TCERG1L: variants seen among roughly 807,000 people sequenced by gnomAD.
TCERG1L encodes transcription elongation regulator 1 like.
Under a neutral mutation model 56.3 loss-of-function variants are expected in TCERG1L, and 37 were observed. The ratio of observed to expected loss-of-function variants is 0.66; its 90% CI spans 0.51 to 0.87. The LOEUF (loss-of-function observed/expected upper bound fraction) is 0.87, where lower values mean the gene tolerates loss of function less well. Among genes scored for constraint, TCERG1L ranks in the 40% least tolerant of loss-of-function variants. The pLI, the probability that TCERG1L is intolerant of heterozygous loss-of-function variation, is 0.00. For synonymous variants in TCERG1L, 324 were observed against 326.3 expected (o/e 0.99, Z 0.08); for missense variants, 799 against 774.2 (o/e 1.03, Z -0.38).
At chr10:131,185,861 T>C (rs1583669) in intron 4 of TCERG1L, among the ~76,000 whole-genome samples, 108,941 of 151,706 alleles carry the variant, frequency 0.72, 41,542 homozygotes, top group Non-Finnish European at 0.85. Flanking sequence ...CCTAGATCTA[T>C]ACCCAAAAGA....
In TCERG1L at chr10:131,103,852, T is replaced by C. The variant is rs1196660543; in HGVS notation, c.1485+413A>G. On this transcript the variant is annotated intron_variant, in intron 10 of 11. Coordinates refer to ENST00000368642, the MANE Select transcript of TCERG1L (RefSeq NM_174937.4). The surrounding 1 kb of genome is among the most constrained non-coding windows in gnomAD (Gnocchi z 4.3). The stretch of plus-strand genomic sequence containing the variant: ...TTAGGGGTTTCTTAACATTAGTGAC[T>C]TCATTTTGATTCTGACAACTTTCAT... Among the ~76,000 whole-genome samples, 1 of 152,310 alleles carries C rather than the reference T, an allele frequency of 6.6e-6. No homozygotes were observed. Among genetic ancestry groups the C allele is most frequent in the African/African-American group, 2.4e-5 (1 of 41,560 alleles).
At chr10:131,107,884 T>C (rs575166175) in intron 9 of TCERG1L, among the ~76,000 whole-genome samples, 2 of 151,904 alleles carry the variant, frequency 1.3e-5, no homozygotes, top group Non-Finnish European at 2.9e-5. Context: ...CACATGCACA[T>C]GTACATAGTT....
At chr10:131,231,979 A>G (rs1035863487) in intron 4 of TCERG1L, among the ~76,000 whole-genome samples, 2 of 152,168 alleles carry the variant, frequency 1.3e-5, no homozygotes, top group Non-Finnish European at 2.9e-5. Flanking sequence ...TGTGTGAACA[A>G]TGGCAGAAAT....
rs1251169865 is a variant in TCERG1L at position 131,111,570 on chromosome 10, C to T, written c.1395+5229G>A. Among the ~76,000 whole-genome samples, 6 of 142,714 alleles carry T rather than the reference C, an allele frequency of 4.2e-5. 2 individuals are homozygous for T. The highest frequency in any genetic ancestry group is 2.6e-4 in the South Asian group (1 of 3,870). 93.6% of individuals were successfully genotyped at this position (142,714 alleles called of 152,430 possible). A position where few individuals can be genotyped will look rare whatever the true frequency, so the allele number is the denominator to read the frequency against. ...TTTTTCCTTCTGGCTTTTATGAGTG[C>T]AAACGTCCTAAGGAAGGAAGCAATC... On this transcript the variant is annotated intron_variant, in intron 9 of 11. Coordinates refer to ENST00000368642, the MANE Select transcript of TCERG1L (RefSeq NM_174937.4).
At chr10:131,297,784 A>G (rs1055909793) in intron 3 of TCERG1L, among the ~76,000 whole-genome samples, 5 of 152,076 alleles carry the variant, frequency 3.3e-5, no homozygotes, top group African/African-American at 9.7e-5. Context: ...TTCTATTACT[A>G]CTTCTATTTA....
At chr10:131,094,469 T>C (rs57431043) in intron 11 of TCERG1L, among the ~76,000 whole-genome samples, 5,501 of 152,346 alleles carry the variant, frequency 0.036, 133 homozygotes, top group African/African-American at 0.075. Context: ...GACATGGCTG[T>C]TAGAAGACAA....
At chr10:131,107,536 A>G (rs1012121576) in intron 9 of TCERG1L, among the ~76,000 whole-genome samples, 2 of 152,098 alleles carry the variant, frequency 1.3e-5, no homozygotes, top group African/African-American at 4.8e-5. Context: ...TGAAGGCCGC[A>G]CAGCCATGTG....
At chr10:131,141,385 C>T (rs564884201) in intron 7 of TCERG1L, among the ~76,000 whole-genome samples, 3 of 151,938 alleles carry the variant, frequency 2.0e-5, no homozygotes, top group African/African-American at 4.8e-5. Flanking sequence ...TGTGAGTGAC[C>T]GTGCCTCAGG....
intron 6 of TCERG1L, 114 bp downstream of exon 6, chr10:131,163,008 T>A (rs1845993347): frequency 2.5e-6 from 2 of 802,604 alleles, no homozygotes; most frequent in Admixed American, 6.9e-5. Flanking sequence ...AAGTTCATTG[T>A]TTTTAAGACA....
chr10:131,268,073 C>T (rs1393508100), intron 3 of TCERG1L, among the ~76,000 whole-genome samples: 4 of 152,122 alleles, frequency 2.6e-5, no homozygotes, highest in Non-Finnish European at 1.5e-5. Flanking sequence ...GAGGGATTCC[C>T]AGTCCCCTAA....
rs2133381416 is a variant in TCERG1L, at chr10:131,103,223, C to CA, written c.1485+1041dup. ...TGCCATCGTAAATGACAAGAATATT[C>CA]AGGGAGGTAAAAAAAAGGCAATAAT... On this transcript the variant is annotated intron_variant, in intron 10 of 11. Coordinates refer to ENST00000368642, the MANE Select transcript of TCERG1L (RefSeq NM_174937.4). The surrounding 1 kb of genome is among the most constrained non-coding windows in gnomAD (Gnocchi z 4.3). Among the ~76,000 whole-genome samples, 1 of 151,932 alleles carries CA rather than the reference C, an allele frequency of 6.6e-6. No individual in the cohort carries two copies. The highest frequency in any genetic ancestry group is 2.1e-4 in the South Asian group (1 of 4,802).
chr10:131,110,307 C>T (rs1479730373), intron 9 of TCERG1L, among the ~76,000 whole-genome samples: 1 of 152,214 alleles, frequency 6.6e-6, no homozygotes, highest in Non-Finnish European at 1.5e-5. Flanking sequence ...TCCTCCCTGC[C>T]GTGTCACCTC....
intron 4 of TCERG1L, among the ~76,000 whole-genome samples, chr10:131,252,655 G>A (rs1846125011): frequency 1.3e-5 from 2 of 152,136 alleles, no homozygotes; most frequent in Admixed American, 6.5e-5. Flanking sequence ...CTCCTCTACC[G>A]AGTCCTGAAA....
At chr10:131,195,375 G>A (rs778221019) in intron 4 of TCERG1L, among the ~76,000 whole-genome samples, 1 of 152,200 alleles carries the variant, frequency 6.6e-6, no homozygotes, top group Non-Finnish European at 1.5e-5. Flanking sequence ...CCATCTGAGA[G>A]GCTCGGGGCC....
intron 6 of TCERG1L, 31 bp from the exon 7 acceptor site, chr10:131,146,691 C>A (rs753197620): frequency 1.3e-6 from 2 of 1,585,840 alleles, no homozygotes; most frequent in South Asian, 1.1e-5. Flanking sequence ...ATCTCAGTCG[C>A]TCTCGGAGAC....
intron 6 of TCERG1L, among the ~76,000 whole-genome samples, chr10:131,148,960 T>C (rs1404403401): frequency 6.6e-6 from 1 of 152,184 alleles, no homozygotes; most frequent in Admixed American, 6.5e-5. Flanking sequence ...CCAAGTGTTG[T>C]GCCTGGAGGC....
In TCERG1L at chr10:131,130,088, A is replaced by T. The variant is rs772594951; in HGVS notation, c.1259+4291T>A. On this transcript the variant is annotated intron_variant, in intron 8 of 11. Transcript: ENST00000368642. The stretch of plus-strand genomic sequence containing the variant: ...ACATATCCGAGACTGGGTGATTTAT[A>T]AAAAAAAAAAAAAAAGGTTGAACGG... Among the ~76,000 whole-genome samples, 25 of 96,726 alleles carry T rather than the reference A, an allele frequency of 2.6e-4. No homozygotes were observed. The East Asian group carries it at 5.7e-3, about 22-fold the overall frequency. 63.5% of individuals were successfully genotyped at this position (96,726 alleles called of 152,430 possible). A position where few individuals can be genotyped will look rare whatever the true frequency, so the allele number is the denominator to read the frequency against.
chr10:131,169,043 A>G (rs1237099258), intron 4 of TCERG1L, among the ~76,000 whole-genome samples: 7 of 152,232 alleles, frequency 4.6e-5, no homozygotes, highest in Non-Finnish European at 5.9e-5. Context: ...ACTGTCACTC[A>G]GGAAGAGAAG....
At chr10:131,131,744 C>A (rs1228302383) in intron 8 of TCERG1L, among the ~76,000 whole-genome samples, 2 of 152,214 alleles carry the variant, frequency 1.3e-5, no homozygotes, top group Admixed American at 1.3e-4. Flanking sequence ...CAATCATCAT[C>A]ACAGCTTATT....
Sources: gnomAD v4.1 joint callset for allele counts (sites outside exome capture counted in the v4.1 genomes callset) on GRCh38, gnomAD v4.1.1 for gene constraint, Gnocchi (gnomAD v3.1) non-coding constraint, MANE v1.5 for transcripts, NCBI Gene and HGNC (gene_info 2026-07-23, HGNC 2026-07-21) for gene names.